The following VOPP1 variants were observed in gnomAD, a reference collection of about 807,000 sequenced individuals.
VOPP1 encodes the protein VOPP1 WW domain binding protein.
VOPP1 carries 8 observed loss-of-function variants against 23.5 expected under a neutral mutation model. That is an observed-to-expected ratio of 0.34 (90% CI 0.20 to 0.61). The LOEUF (loss-of-function observed/expected upper bound fraction) is 0.61, where lower values mean the gene tolerates loss of function less well. Among genes scored for constraint, VOPP1 ranks in the 20% least tolerant of loss-of-function variants. VOPP1 has a pLI of 0.78. For synonymous variants in VOPP1, 83 were observed against 97.3 expected, an observed-to-expected ratio of 0.85 and a Z score of 0.86; for missense variants, 174 against 238.1, an observed-to-expected ratio of 0.73 and a Z score of 1.77.
Position 55,497,745 on chromosome 7 carries a change from A to C in VOPP1, c.114-55T>G, listed in dbSNP as rs548425478. The C allele has an allele frequency of 2.8e-5, 42 of 1,525,892 alleles. No individual in the cohort carries two copies. In the East Asian group the frequency reaches 9.2e-4, roughly 33 times the overall value. The allele number at this position is 1,525,892 out of a possible 1,614,324, so 94.5% of individuals were successfully genotyped here. On this transcript the variant is annotated intron_variant, in intron 2 of 4. Transcript: ENST00000285279. The stretch of plus-strand genomic sequence containing the variant: ...CTGAATTGGAAGCAGCCACCGGACC[A>C]GCCATGCGGCCCAGGCTGGGCTTCA...
At chr7:55,512,855 T>G (rs976756694) in intron 2 of VOPP1, among the ~76,000 whole-genome samples, 7 of 152,198 alleles carry the variant, frequency 4.6e-5, no homozygotes, top group Non-Finnish European at 8.8e-5. Context: ...CACCTGCTGG[T>G]GAGAGGTGAC....
intron 1 of VOPP1, among the ~76,000 whole-genome samples, chr7:55,536,126 C>T (rs1796774237): frequency 6.6e-6 from 1 of 152,238 alleles, no homozygotes; most frequent in Non-Finnish European, 1.5e-5. Flanking sequence ...GGTGGAAACG[C>T]TCACATATCC....
At chr7:55,436,201 T>G (rs1790817686) in intron 4 of VOPP1, 1 of 152,176 alleles carries the variant, frequency 6.6e-6, no homozygotes, top group Non-Finnish European at 1.5e-5. Context: ...AAATACATGT[T>G]TACATTTTAC....
chr7:55,475,537 G>A (rs1333549377), intron 4 of VOPP1, among the ~76,000 whole-genome samples: 2 of 152,186 alleles, frequency 1.3e-5, no homozygotes, highest in Admixed American at 6.5e-5. Flanking sequence ...CCAAAATAGT[G>A]ACAAGGAGCG....
In VOPP1 at chr7:55,436,362, A is replaced by G. The variant is rs144406524; in HGVS notation, n.418-188T>C. On this transcript the variant is annotated intron_variant and non_coding_transcript_variant, in intron 4 of 4. Transcript: ENST00000462326. ...TCTATAAAATCAGGACAATGGTAAT[A>G]TCTACCTTATTTGGTAGGTGGGAGG... is the stretch of plus-strand genomic sequence containing the variant. 5.9e-3 allele frequency among the ~76,000 whole-genome samples: 896 copies of G among 152,276 alleles called. 7 individuals are homozygous for G. The highest frequency in any genetic ancestry group is 0.019 in the African/African-American group (785 of 41,550).
intron 1 of VOPP1, among the ~76,000 whole-genome samples, chr7:55,533,729 A>G (rs1212565388): frequency 6.6e-6 from 1 of 152,162 alleles, no homozygotes; most frequent in Non-Finnish European, 1.5e-5. Flanking sequence ...GTAGAACAGC[A>G]CTCAGGTTAA....
At chr7:55,549,177 A>C (rs1197635972) in intron 1 of VOPP1, among the ~76,000 whole-genome samples, 1 of 152,244 alleles carries the variant, frequency 6.6e-6, no homozygotes, top group Non-Finnish European at 1.5e-5. Context: ...TAAAGGTTCG[A>C]CAGGGGAGAT....
intron 1 of VOPP1, among the ~76,000 whole-genome samples, chr7:55,542,171 T>C (rs767482215): frequency 3.3e-5 from 5 of 152,210 alleles, no homozygotes; most frequent in Non-Finnish European, 7.3e-5. Flanking sequence ...GGGCTACACA[T>C]GACATTTTGA....
chr7:55,526,513 C>T (rs1045492118), intron 1 of VOPP1, among the ~76,000 whole-genome samples: 1 of 152,182 alleles, frequency 6.6e-6, no homozygotes, highest in East Asian at 1.9e-4. Context: ...TAAAACAGAG[C>T]CGCACCACAG....
intron 1 of VOPP1, among the ~76,000 whole-genome samples, chr7:55,540,320 C>T (rs976654634): frequency 6.6e-6 from 1 of 151,798 alleles, no homozygotes; most frequent in Non-Finnish European, 1.5e-5. Flanking sequence ...ATCACTTTAA[C>T]CCTGGAGATG....
intron 4 of VOPP1, among the ~76,000 whole-genome samples, chr7:55,449,833 A>G (rs966738716): frequency 6.6e-6 from 1 of 152,122 alleles, no homozygotes; most frequent in African/African-American, 2.4e-5. Context: ...CGGCCCCTGC[A>G]GCCCCTCAAC....
intron 2 of VOPP1, among the ~76,000 whole-genome samples, chr7:55,510,246 T>C (rs971802309): frequency 6.6e-6 from 1 of 152,242 alleles, no homozygotes; most frequent in Non-Finnish European, 1.5e-5. Context: ...TTTTACATTA[T>C]AACTAATGTC....
rs142588643 is a variant in VOPP1, at chr7:55,536,709, T to C, written c.55-15579A>G. Among the ~76,000 whole-genome samples, 76 of 152,102 alleles carry C rather than the reference T, an allele frequency of 5.0e-4. No individual in the cohort carries two copies. In the East Asian group the frequency reaches 0.014, roughly 27 times the overall value. On this transcript the variant is annotated intron_variant, in intron 1 of 4. Coordinates refer to ENST00000285279, the MANE Select transcript of VOPP1 (RefSeq NM_030796.5). ...GCAGGACTGAACAATGACACTGATATAAAAACAACTCGTGTTCACACCAAG... is the reference window on the plus strand; with the variant it reads ...GCAGGACTGAACAATGACACTGATACAAAAACAACTCGTGTTCACACCAAG...
chr7:55,541,750 G>A (rs62454995), intron 1 of VOPP1, among the ~76,000 whole-genome samples: 30,984 of 152,200 alleles, frequency 0.2, 3,464 homozygotes, highest in African/African-American at 0.29. Context: ...TGGTGTATCC[G>A]GTTATTTAGC....
chr7:55,525,739 G>A (rs1391149615), intron 1 of VOPP1, among the ~76,000 whole-genome samples: 1 of 127,800 alleles, frequency 7.8e-6, no homozygotes, highest in Non-Finnish European at 1.6e-5. Flanking sequence ...ATCCTTACAT[G>A]TGTACGGTAT....
intron 1 of VOPP1, among the ~76,000 whole-genome samples, chr7:55,561,065 AC>A (rs1158833715): frequency 2.0e-5 from 3 of 152,018 alleles, no homozygotes; most frequent in African/African-American, 7.3e-5. Context: ...CTCACTCTGC[AC>A]CCCGACCATG....
intron 1 of VOPP1, chr7:55,553,675 C>T (rs1289363301): frequency 1.3e-5 from 2 of 151,954 alleles, no homozygotes; most frequent in Non-Finnish European, 2.9e-5. Flanking sequence ...CGACTGCTTC[C>T]TTCCATCACA....
chr7:55,504,425 C>T (rs910274490), intron 2 of VOPP1, among the ~76,000 whole-genome samples: 1 of 152,222 alleles, frequency 6.6e-6, no homozygotes, highest in Non-Finnish European at 1.5e-5. Context: ...GCAGAAAACT[C>T]CAAAGGATAC....
intron 1 of VOPP1, among the ~76,000 whole-genome samples, chr7:55,532,847 A>G (rs1796573358): frequency 6.6e-6 from 1 of 152,114 alleles, no homozygotes; most frequent in Admixed American, 6.5e-5. Context: ...AGTAATATGC[A>G]TTTTCATTAA....
Sources: allele counts gnomAD v4.1 joint callset (sites outside exome capture counted in the v4.1 genomes callset), GRCh38; gene constraint gnomAD v4.1.1; transcripts MANE v1.5; gene names NCBI Gene and HGNC (gene_info 2026-07-23, HGNC 2026-07-21).